Variants in GLIS3 observed in about 807,000 individuals in gnomAD.
The protein encoded by GLIS3 is zinc finger protein GLIS3.
Under a neutral mutation model 78.6 loss-of-function variants are expected in GLIS3, and 53 were observed. The ratio of observed to expected loss-of-function variants is 0.67; its 90% CI spans 0.54 to 0.85. GLIS3 has a LOEUF of 0.85. GLIS3 is among the 40% of genes least tolerant of loss of function. The pLI is 0.00. For synonymous variants in GLIS3, 684 were observed against 509.9 expected, an observed-to-expected ratio of 1.34 and a Z score of -4.60; for missense variants, 1,703 against 1,231.1, an observed-to-expected ratio of 1.38 and a Z score of -5.74.
At chr9:4,012,765 C>CTTTTTTTTTTTTTTTTTTTTTTTTTTT (rs71324278) in intron 4 of GLIS3, among the ~76,000 whole-genome samples, 1 of 66,476 alleles carries the variant, frequency 1.5e-5, no homozygotes, top group Non-Finnish European at 2.8e-5. Flanking sequence ...TTTTCTTTTT[C>CTTTTTTTTTTTTTTTTTTTTTTTTTTT]TTTTTTTTTT....
intron 2 of GLIS3, among the ~76,000 whole-genome samples, chr9:4,268,172 T>C (rs1250586606): frequency 6.6e-6 from 1 of 152,126 alleles, no homozygotes; most frequent in Non-Finnish European, 1.5e-5. Flanking sequence ...CTGTATGACC[T>C]TGCGAAAATT....
At chr9:3,891,337 T>G (rs1256114073) in intron 7 of GLIS3, among the ~76,000 whole-genome samples, 1 of 152,168 alleles carries the variant, frequency 6.6e-6, no homozygotes, top group Non-Finnish European at 1.5e-5. Flanking sequence ...CATTTATAAA[T>G]GTTACATTTG....
intron 4 of GLIS3, among the ~76,000 whole-genome samples, chr9:3,974,721 C>T (rs1563909770): frequency 6.6e-6 from 1 of 152,064 alleles, no homozygotes. Context: ...TGAATTGCAG[C>T]TGAGGGAGAA....
intron 4 of GLIS3, among the ~76,000 whole-genome samples, chr9:3,985,015 C>T (rs1354583413): frequency 6.6e-6 from 1 of 152,032 alleles, no homozygotes; most frequent in Non-Finnish European, 1.5e-5. Flanking sequence ...ATCCATTAAA[C>T]CTCTTTCTTT....
chr9:4,254,257 G>C (rs1437676559), intron 2 of GLIS3, among the ~76,000 whole-genome samples: 2 of 152,160 alleles, frequency 1.3e-5, no homozygotes, highest in African/African-American at 2.4e-5. Flanking sequence ...AGATACGTGA[G>C]AATAAAGAGT....
chr9:4,326,023 T>C (rs1451120083), intron 2 of GLIS3, among the ~76,000 whole-genome samples: 1 of 152,064 alleles, frequency 6.6e-6, no homozygotes, highest in Non-Finnish European at 1.5e-5. Context: ...AAGTACACAC[T>C]GTGGGGAACA....
the GLIS3 span, among the ~76,000 whole-genome samples, chr9:4,363,971 G>C: frequency 1.3e-5 from 2 of 152,180 alleles, no homozygotes; most frequent in Non-Finnish European, 2.9e-5. Flanking sequence ...GATTTCAAGA[G>C]TTCGCAATCT....
intron 2 of GLIS3, among the ~76,000 whole-genome samples, chr9:4,341,497 G>A (rs1372199224): frequency 6.6e-6 from 1 of 152,160 alleles, no homozygotes; most frequent in East Asian, 1.9e-4. Flanking sequence ...CCTTAATGCT[G>A]CCCTATATCA....
chr9:4,374,249 A>C, the GLIS3 span, among the ~76,000 whole-genome samples: 3 of 152,102 alleles, frequency 2.0e-5, no homozygotes. Flanking sequence ...AATTAGAACA[A>C]CTCCCCTTCT....
intron 2 of GLIS3, among the ~76,000 whole-genome samples, chr9:4,195,237 AGCCCCTGTCTG>A (rs199735518): frequency 0.15 from 22,318 of 152,222 alleles, 2,230 homozygotes; most frequent in African/African-American, 0.28. Context: ...GCACTGTGGG[AGCCCCTGTCTG>A]GGCTGGTTGA....
intron 2 of GLIS3, among the ~76,000 whole-genome samples, chr9:4,341,554 T>G (rs898494906): frequency 2.0e-5 from 3 of 152,252 alleles, no homozygotes; most frequent in African/African-American, 4.8e-5. Context: ...CATTCTCTTC[T>G]GTCCTCAGAC....
At chr9:3,848,775 T>G (rs1819222466) in intron 9 of GLIS3, among the ~76,000 whole-genome samples, 1 of 152,252 alleles carries the variant, frequency 6.6e-6, no homozygotes, top group African/African-American at 2.4e-5. Flanking sequence ...ACAATGTGTT[T>G]TGTTCTTGGA....
intron 8 of GLIS3, among the ~76,000 whole-genome samples, chr9:3,859,350 AACACACACACACACACACACACACAC>A (rs34973607): frequency 0.013 from 1,903 of 148,966 alleles, 31 homozygotes; most frequent in African/African-American, 0.015. Context: ...GTTTCTTCGA[AACACACACACACACACACACACACAC>A]ACACACACAC....
the GLIS3 span, among the ~76,000 whole-genome samples, chr9:4,483,723 G>GAAAA: frequency 9.2e-6 from 1 of 108,608 alleles, no homozygotes; most frequent in African/African-American, 3.3e-5. Flanking sequence ...TTCGTCTTGG[G>GAAAA]AAAAAAAAAA....
intron 4 of GLIS3, among the ~76,000 whole-genome samples, chr9:4,092,659 G>A (rs1829621521): frequency 6.6e-6 from 1 of 152,106 alleles, no homozygotes; most frequent in Non-Finnish European, 1.5e-5. Context: ...TCCCACTGGA[G>A]GGTCTTCAGG....
intron 7 of GLIS3, among the ~76,000 whole-genome samples, chr9:3,890,325 C>G (rs1438211601): frequency 2.0e-5 from 3 of 152,104 alleles, no homozygotes; most frequent in African/African-American, 4.8e-5. Context: ...AATACAGAAG[C>G]TCCAGCCCTC....
chr9:4,166,282 G>T (rs1309963993), intron 2 of GLIS3, among the ~76,000 whole-genome samples: 1 of 152,160 alleles, frequency 6.6e-6, no homozygotes, highest in Non-Finnish European at 1.5e-5. Flanking sequence ...GTGACTAGGA[G>T]CAACTCAGAT....
At chr9:4,206,048 G>C (rs956706826) in intron 2 of GLIS3, among the ~76,000 whole-genome samples, 3 of 152,146 alleles carry the variant, frequency 2.0e-5, no homozygotes, top group African/African-American at 7.2e-5. Context: ...TGATCTAGAA[G>C]AGAAGAGTTG....
At chr9:4,105,127 T>C (rs1431917897) in intron 4 of GLIS3, among the ~76,000 whole-genome samples, 1 of 152,214 alleles carries the variant, frequency 6.6e-6, no homozygotes, top group Non-Finnish European at 1.5e-5. Context: ...ACAATTTTAT[T>C]TCCTTTCCTC....
Sources: gnomAD v4.1 joint callset for allele counts (sites outside exome capture counted in the v4.1 genomes callset) on GRCh38, gnomAD v4.1.1 for gene constraint, MANE v1.5 for transcripts, NCBI Gene and HGNC (gene_info 2026-07-23, HGNC 2026-07-21) for gene names.